CCDC6: variants seen among roughly 807,000 people sequenced by gnomAD.
CCDC6 encodes the protein coiled-coil domain containing 6, also known as coiled-coil domain-containing protein 6.
In CCDC6, 20 loss-of-function variants were observed where a neutral mutation model predicts 56.6. The observed-to-expected ratio is 0.35, with a 90% confidence interval of 0.25 to 0.51. CCDC6 has a LOEUF of 0.51. Among genes scored for constraint, CCDC6 ranks in the 20% least tolerant of loss-of-function variants. CCDC6 has a pLI of 0.95. For synonymous variants in CCDC6, 241 were observed against 234.4 expected (o/e 1.03, Z -0.26); for missense variants, 367 against 601.1 (o/e 0.61, Z 4.07).
At chr10:59,801,525 A>G (rs2070574598) in intron 7 of CCDC6, among the ~76,000 whole-genome samples, 1 of 152,110 alleles carries the variant, frequency 6.6e-6, no homozygotes, top group African/African-American at 2.4e-5. Flanking sequence ...CTTTTCTGGT[A>G]GCAACTTCCT....
At chr10:59,856,046 C>G (rs2071078590) in intron 1 of CCDC6, among the ~76,000 whole-genome samples, 1 of 152,204 alleles carries the variant, frequency 6.6e-6, no homozygotes, top group Non-Finnish European at 1.5e-5. Flanking sequence ...ACATGAGAAA[C>G]TGTTCTGGTG....
At chr10:59,817,277 C>G (rs961487232) in intron 3 of CCDC6, among the ~76,000 whole-genome samples, 1 of 152,160 alleles carries the variant, frequency 6.6e-6, no homozygotes, top group Non-Finnish European at 1.5e-5. Flanking sequence ...ACCCACTGGG[C>G]TCAGGCATTC....
chr10:59,798,162 G>C (rs955356915), intron 7 of CCDC6, among the ~76,000 whole-genome samples: 9 of 152,288 alleles, frequency 5.9e-5, no homozygotes, highest in African/African-American at 2.2e-4. Flanking sequence ...AAGTGAAAAG[G>C]GAAAACAGAG....
At chr10:59,892,126 T>C (rs914374756) in intron 1 of CCDC6, among the ~76,000 whole-genome samples, 1 of 152,224 alleles carries the variant, frequency 6.6e-6, no homozygotes, top group Non-Finnish European at 1.5e-5. Flanking sequence ...GAAGTGGCAC[T>C]AGGGCGTTGC....
intron 3 of CCDC6, among the ~76,000 whole-genome samples, chr10:59,827,610 A>C (rs559431058): frequency 6.6e-6 from 1 of 152,216 alleles, no homozygotes. Context: ...AAGTTTCCCT[A>C]AACTACACGG....
At position 59,862,546 on chromosome 10, in the gene CCDC6, CACACACACACAT is replaced by C. The variant is rs1322252713; in HGVS notation, c.304-9856_304-9845del. ...ACACACACACACACACACACACACA[CACACACACACAT>C]ATATATACACATACACACACACACA... On this transcript the variant is annotated intron_variant, in intron 1 of 8. Transcript: ENST00000263102. 1.2e-3 allele frequency among the ~76,000 whole-genome samples: 121 copies of C among 102,222 alleles called. 11 individuals carry two copies. The highest frequency in any genetic ancestry group is 6.8e-3 in the African/African-American group (117 of 17,330). 67.1% of individuals were successfully genotyped at this position (102,222 alleles called of 152,430 possible).
chr10:59,832,792 T>A, intron 2 of CCDC6, 139 bp from the exon 3 acceptor site: 1 of 727,916 alleles, frequency 1.4e-6, no homozygotes, highest in Non-Finnish European at 2.2e-6. Context: ...TGCAAGTATA[T>A]ACCTAGTAAT....
At chr10:59,852,158 C>CA (rs1184623244) in intron 2 of CCDC6, among the ~76,000 whole-genome samples, 2 of 152,140 alleles carry the variant, frequency 1.3e-5, no homozygotes, top group African/African-American at 4.8e-5. Flanking sequence ...TTCATATCCT[C>CA]ATATTTTAGT....
At chr10:59,877,744 G>A (rs539845719) in intron 1 of CCDC6, among the ~76,000 whole-genome samples, 1 of 152,268 alleles carries the variant, frequency 6.6e-6, no homozygotes, top group East Asian at 1.9e-4. Context: ...ATGCCAGAAA[G>A]GAAAAGACAC....
chr10:59,800,238 T>G (rs1041334229), intron 7 of CCDC6, among the ~76,000 whole-genome samples: 1 of 152,188 alleles, frequency 6.6e-6, no homozygotes, highest in Non-Finnish European at 1.5e-5. Flanking sequence ...GGCACAGACT[T>G]TGTGTGGATT....
chr10:59,796,649 T>G (rs2132621248), intron 7 of CCDC6, among the ~76,000 whole-genome samples: 1 of 152,270 alleles, frequency 6.6e-6, no homozygotes, highest in Admixed American at 6.5e-5. Flanking sequence ...CACTCCCATA[T>G]TCACTACAGT....
intron 1 of CCDC6, among the ~76,000 whole-genome samples, chr10:59,901,922 G>A (rs1294058987): frequency 7.1e-6 from 1 of 141,476 alleles, no homozygotes; most frequent in Non-Finnish European, 1.5e-5. Flanking sequence ...AGGTGACTAT[G>A]CATTTGTTTA....
chr10:59,832,673 G>C lies in CCDC6; in HGVS notation c.454-20C>G. 18 of 1,609,106 alleles carry C rather than the reference G, an allele frequency of 1.1e-5. No homozygotes were observed. Among genetic ancestry groups the C allele is most frequent in the Non-Finnish European group, 1.5e-5 (18 of 1,178,554 alleles). ...CTGCAACTGGAAAATGAAAAACACC[G>C]AGATGTGGAAATCAGGCAACTCAAA... is the stretch of plus-strand genomic sequence containing the variant. On this transcript the variant is annotated intron_variant, in intron 2 of 8. Transcript: ENST00000263102.
intron 2 of CCDC6, among the ~76,000 whole-genome samples, chr10:59,841,971 T>C (rs1434106412): frequency 6.6e-6 from 1 of 151,298 alleles, no homozygotes; most frequent in Admixed American, 6.6e-5. Context: ...CGACCCCATG[T>C]CTTGTTCTTG....
intron 3 of CCDC6, among the ~76,000 whole-genome samples, chr10:59,819,548 A>G (rs888693254): frequency 1.3e-5 from 2 of 152,194 alleles, no homozygotes; most frequent in Non-Finnish European, 2.9e-5. Flanking sequence ...CAGTTCCGCC[A>G]ATTAAAACAG....
intron 1 of CCDC6, among the ~76,000 whole-genome samples, chr10:59,901,058 C>A (rs68179910): frequency 0.19 from 28,336 of 151,078 alleles, 2,961 homozygotes; most frequent in African/African-American, 0.27. Flanking sequence ...CACACACACA[C>A]AAAAAAAACA....
intron 1 of CCDC6, among the ~76,000 whole-genome samples, chr10:59,867,690 A>T (rs1197424850): frequency 6.6e-6 from 1 of 152,022 alleles, no homozygotes; most frequent in Non-Finnish European, 1.5e-5. Flanking sequence ...AGTAGCTGGG[A>T]CTACAGGTGC....
At chr10:59,815,568 G>A (rs1188090837) in intron 3 of CCDC6, among the ~76,000 whole-genome samples, 1 of 152,162 alleles carries the variant, frequency 6.6e-6, no homozygotes, top group Non-Finnish European at 1.5e-5. Context: ...GAAACAGTAT[G>A]AAACAGATAT....
intron 5 of CCDC6, among the ~76,000 whole-genome samples, chr10:59,811,692 G>C (rs1257264372): frequency 6.6e-6 from 1 of 152,120 alleles, no homozygotes; most frequent in Non-Finnish European, 1.5e-5. Context: ...AGGTCCTGTA[G>C]TCAGCCCTGA....
Sources: gnomAD v4.1 joint callset for allele counts (sites outside exome capture counted in the v4.1 genomes callset) on GRCh38, gnomAD v4.1.1 for gene constraint, MANE v1.5 for transcripts, NCBI Gene and HGNC (gene_info 2026-07-23, HGNC 2026-07-21) for gene names.